The following WDFY4 variants were observed in gnomAD, a reference collection of about 807,000 sequenced individuals.
The protein encoded by WDFY4 is WDFY family member 4.
WDFY4 carries 169 observed loss-of-function variants against 351.9 expected under a neutral mutation model. The observed-to-expected ratio is 0.48, with a 90% CI of 0.42 to 0.55. WDFY4 has a LOEUF of 0.55. Ranked by LOEUF, WDFY4 falls within the 20% of genes least tolerant of loss-of-function variation. The pLI is 0.00. For missense variants in WDFY4, 3,803 were observed against 3,935.6 expected (o/e 0.97, Z 0.90); for synonymous variants, 1,622 against 1,574.6 (o/e 1.03, Z -0.71).
chr10:48,914,117 G>C, intron 47 of WDFY4: 1 of 1,614,154 alleles, frequency 6.2e-7, no homozygotes, highest in Non-Finnish European at 8.5e-7. Flanking sequence ...CCTTGAGGGT[G>C]ATCTTCTTGC....
intron 13 of WDFY4, among the ~76,000 whole-genome samples, chr10:48,768,205 C>T (rs1221642025): frequency 6.6e-6 from 1 of 152,172 alleles, no homozygotes; most frequent in Admixed American, 6.5e-5. Context: ...GGTGAATCTC[C>T]AAGCAGTTCT....
intron 35 of WDFY4, chr10:48,823,419 T>A: frequency 1.7e-6 from 2 of 1,203,424 alleles, no homozygotes; most frequent in Non-Finnish European, 2.1e-6. Flanking sequence ...TCCTTCCTCT[T>A]CACATCTCAT....
chr10:48,901,371 C>T (rs1837343710), intron 46 of WDFY4, among the ~76,000 whole-genome samples: 1 of 152,238 alleles, frequency 6.6e-6, no homozygotes, highest in African/African-American at 2.4e-5. Context: ...AGAAATCTTA[C>T]ACCTCCATAG....
At chr10:48,725,756 A>G (rs2064247464) in intron 5 of WDFY4, 125 bp from the exon 6 acceptor site, 8 of 1,058,242 alleles carry the variant, frequency 7.6e-6, no homozygotes, top group Non-Finnish European at 1.1e-5. Context: ...GGGTGACCCC[A>G]TTCAATCCTG....
At chr10:48,911,458 T>C (rs1837997291) in intron 47 of WDFY4, among the ~76,000 whole-genome samples, 3 of 152,230 alleles carry the variant, frequency 2.0e-5, no homozygotes, top group Non-Finnish European at 2.9e-5. Context: ...TATTTTAAAA[T>C]GTTTTAGTTA....
intron 12 of WDFY4, among the ~76,000 whole-genome samples, chr10:48,753,294 A>G (rs1469052300): frequency 6.6e-6 from 1 of 152,132 alleles, no homozygotes; most frequent in Non-Finnish European, 1.5e-5. Context: ...TGATTTGCAA[A>G]TATTTTCTCT....
Position 48,731,573 on chromosome 10 carries a change from G to C in WDFY4, c.1582+11G>C. ...TCATGAGGAAGTCAGGTGCCACTGG[G>C]TGCATTGGGAGGGATGGGCAGGGGT... On this transcript the variant is annotated intron_variant, in intron 9 of 61. Transcript: ENST00000325239. The C allele has an allele frequency of 5.8e-6, 9 of 1,547,302 alleles. No homozygotes were observed. The South Asian group carries it at 8.4e-5, about 14-fold the overall frequency.
intron 47 of WDFY4, among the ~76,000 whole-genome samples, chr10:48,928,352 A>ATG (rs1839749361): frequency 2.2e-4 from 13 of 59,634 alleles, no homozygotes; most frequent in Non-Finnish European, 4.5e-4. Context: ...TTTGGTTTTG[A>ATG]CGTGTGTGTG....
At chr10:48,729,392 T>C in intron 7 of WDFY4, 40 bp from the exon 8 acceptor site, 1 of 1,547,434 alleles carries the variant, frequency 6.5e-7, no homozygotes, top group South Asian at 1.2e-5. Context: ...GGCTGCTCCA[T>C]CTAGGAAGTA....
chr10:48,704,245 G>A (rs1000936299), intron 1 of WDFY4, among the ~76,000 whole-genome samples: 1 of 152,152 alleles, frequency 6.6e-6, no homozygotes, highest in Non-Finnish European at 1.5e-5. Flanking sequence ...AGACACCACA[G>A]GGGCCAAGTT....
At chr10:48,816,018 G>A (rs1462972973) in intron 31 of WDFY4, among the ~76,000 whole-genome samples, 3 of 152,036 alleles carry the variant, frequency 2.0e-5, no homozygotes, top group African/African-American at 4.8e-5. Context: ...TATTTTAATT[G>A]TTCCTATGAA....
chr10:48,873,090 TG>T (rs552488465), intron 40 of WDFY4, among the ~76,000 whole-genome samples: 14 of 152,290 alleles, frequency 9.2e-5, no homozygotes, highest in Admixed American at 9.2e-4. Context: ...TTCAGGCAAC[TG>T]GAAAAAAGTA....
At chr10:48,938,828 T>C (rs968766702) in intron 47 of WDFY4, among the ~76,000 whole-genome samples, 3 of 152,244 alleles carry the variant, frequency 2.0e-5, no homozygotes, top group African/African-American at 7.2e-5. Context: ...AGAGATAATC[T>C]TTCCATCTTT....
intron 57 of WDFY4, among the ~76,000 whole-genome samples, chr10:48,973,552 T>A (rs888540568): frequency 2.6e-5 from 4 of 152,240 alleles, no homozygotes; most frequent in Admixed American, 6.5e-5. Context: ...GGTTTACCAC[T>A]TGGTAAGCCA....
chr10:48,948,553 G>C (rs982943351), intron 51 of WDFY4, among the ~76,000 whole-genome samples: 4 of 152,142 alleles, frequency 2.6e-5, no homozygotes, highest in African/African-American at 7.2e-5. Context: ...TTTTCACATC[G>C]GGAGGAGACA....
intron 41 of WDFY4, 119 bp downstream of exon 41, chr10:48,873,816 A>C: frequency 2.5e-6 from 3 of 1,185,216 alleles, no homozygotes; most frequent in Non-Finnish European, 3.5e-6. Flanking sequence ...ATGCAGTTAA[A>C]TGTAGGAGAG....
intron 13 of WDFY4, among the ~76,000 whole-genome samples, chr10:48,763,962 C>T (rs567531386): frequency 3.9e-5 from 6 of 152,214 alleles, no homozygotes; most frequent in Admixed American, 6.5e-5. Flanking sequence ...AAACGGCAGG[C>T]CTCCGCAGGT....
chr10:48,742,555 G>C (rs1174659510), intron 11 of WDFY4, among the ~76,000 whole-genome samples: 1 of 152,198 alleles, frequency 6.6e-6, no homozygotes, highest in East Asian at 1.9e-4. Flanking sequence ...AGCCAGATAT[G>C]GTTTCCATCT....
chr10:48,749,754 A>G (rs2065123513), intron 12 of WDFY4, among the ~76,000 whole-genome samples: 1 of 152,108 alleles, frequency 6.6e-6, no homozygotes, highest in Non-Finnish European at 1.5e-5. Context: ...TCATGGGGTT[A>G]TGGGTTATGA....
Sources: gnomAD v4.1 joint callset for allele counts (sites outside exome capture counted in the v4.1 genomes callset) on GRCh38, gnomAD v4.1.1 for gene constraint, MANE v1.5 for transcripts, NCBI Gene and HGNC (gene_info 2026-07-23, HGNC 2026-07-21) for gene names.